The following DIXDC1 variants were observed in gnomAD, a reference collection of about 807,000 sequenced individuals.
DIXDC1 encodes the protein dixin.
Under a neutral mutation model 103.1 loss-of-function variants are expected in DIXDC1, and 64 were observed. The ratio of observed to expected loss-of-function variants is 0.62; its 90% CI spans 0.51 to 0.76. DIXDC1 has a LOEUF of 0.76. Among genes scored for constraint, DIXDC1 ranks in the 30% least tolerant of loss-of-function variants. The pLI is 0.00. For synonymous variants in DIXDC1, 266 were observed against 298.5 expected (o/e 0.89, Z 1.12); for missense variants, 759 against 834.2 (o/e 0.91, Z 1.11).
At chr11:112,009,055 G>A (rs181384465) in intron 17 of DIXDC1, among the ~76,000 whole-genome samples, 3 of 152,052 alleles carry the variant, frequency 2.0e-5, no homozygotes, top group East Asian at 1.9e-4. Flanking sequence ...CTGATAGACC[G>A]CTAGCAAGAC....
At position 112,017,889 on chromosome 11, in the gene DIXDC1, A is replaced by C; in HGVS notation, c.1971+4A>C. On this transcript the variant is annotated splice_donor_region_variant and intron_variant, in intron 19 of 19. Transcript: ENST00000440460. This position sits in a 1 kb window ranked among gnomAD's most constrained non-coding sequence, Gnocchi z 4.0. ...GTTTGGCACTGTCAAAGAGGAGGTA[A>C]AGAATCTGTGGGGAGTCTGTATGGT... is the stretch of plus-strand genomic sequence containing the variant. 1 of 1,601,646 alleles carries C rather than the reference A, an allele frequency of 6.2e-7. No homozygotes were observed. Among genetic ancestry groups the C allele is most frequent in the South Asian group, 1.1e-5 (1 of 88,942 alleles).
At chr11:111,937,091 GT>G, upstream of DIXDC1, 3 of 373,512 alleles carry the variant, frequency 8.0e-6, no homozygotes, top group Non-Finnish European at 1.1e-5. Context: ...GAGTGTGTGT[GT>G]GTGTAGCGCA....
At chr11:111,968,683 A>G in intron 3 of DIXDC1, 45 bp downstream of exon 3, 1 of 1,582,004 alleles carries the variant, frequency 6.3e-7, no homozygotes, top group Non-Finnish European at 8.6e-7. Context: ...TACTTTAACC[A>G]GTGAGTGCTA....
At chr11:111,972,614 A>C (rs1555172172) in intron 3 of DIXDC1, among the ~76,000 whole-genome samples, 1 of 152,064 alleles carries the variant, frequency 6.6e-6, no homozygotes, top group African/African-American at 2.4e-5. Context: ...CCTCTGATGC[A>C]CCCCTCTGCT....
At chr11:111,960,847 G>A (rs1451824641) in intron 1 of DIXDC1, among the ~76,000 whole-genome samples, 3 of 152,078 alleles carry the variant, frequency 2.0e-5, no homozygotes, top group Non-Finnish European at 2.9e-5. Context: ...TAAGGGAACT[G>A]GACTGTTTCG....
At chr11:111,931,209 C>T (rs1555167633) in intron 2 of DIXDC1, among the ~76,000 whole-genome samples, 1 of 151,944 alleles carries the variant, frequency 6.6e-6, no homozygotes, top group African/African-American at 2.4e-5. Context: ...GTGGCATGTA[C>T]CTGTAGTCCC....
At chr11:111,975,442 C>T (rs781854332) in intron 5 of DIXDC1, 1 of 1,009,528 alleles carries the variant, frequency 9.9e-7, no homozygotes, top group Non-Finnish European at 1.2e-6. Flanking sequence ...TTCCAACTTT[C>T]CTCTACAGGA....
At chr11:111,963,240 C>A (rs1206895080) in intron 1 of DIXDC1, among the ~76,000 whole-genome samples, 4 of 152,124 alleles carry the variant, frequency 2.6e-5, no homozygotes, top group African/African-American at 9.7e-5. Context: ...GGCCCAGGTA[C>A]CTTCACTAAT....
At chr11:111,965,973 T>C (rs1859713351) in intron 2 of DIXDC1, among the ~76,000 whole-genome samples, 1 of 152,164 alleles carries the variant, frequency 6.6e-6, no homozygotes, top group Admixed American at 6.5e-5. Flanking sequence ...ATACATGGAC[T>C]AGTAGGAAAT....
intron 1 of DIXDC1, among the ~76,000 whole-genome samples, chr11:111,950,908 A>G (rs1180938977): frequency 6.6e-6 from 1 of 152,244 alleles, no homozygotes; most frequent in Non-Finnish European, 1.5e-5. Context: ...TAGTTACTTT[A>G]AAATGTACAA....
chr11:112,005,386 C>T (rs1861203026), intron 17 of DIXDC1, among the ~76,000 whole-genome samples: 1 of 151,750 alleles, frequency 6.6e-6, no homozygotes, highest in Non-Finnish European at 1.5e-5. Context: ...TGTGTATACC[C>T]AATAACAGCT....
intron 1 of DIXDC1, among the ~76,000 whole-genome samples, chr11:111,928,667 G>A (rs587606376): frequency 1.1e-4 from 16 of 152,240 alleles, no homozygotes; most frequent in African/African-American, 3.9e-4. Flanking sequence ...GGAGGCTGAG[G>A]CAGGAGAATC....
chr11:111,977,947 G>C lies in DIXDC1; in HGVS notation c.657-2790G>C, dbSNP rs371575401. Among the ~76,000 whole-genome samples the C allele has an allele frequency of 3.7e-4, 56 of 152,230 alleles. 1 individual carries two copies. In the East Asian group the frequency reaches 0.01, roughly 28 times the overall value. ...ACCAGGGGTTATCACTATAAAATACGGTGGGCGTAGGAAGTGGAGCCAGCA... is the reference window on the plus strand; with the variant it reads ...ACCAGGGGTTATCACTATAAAATACCGTGGGCGTAGGAAGTGGAGCCAGCA... On this transcript the variant is annotated intron_variant, in intron 5 of 19. Coordinates refer to ENST00000440460, the MANE Select transcript of DIXDC1 (RefSeq NM_001037954.4). This position sits in a 1 kb window ranked among gnomAD's most constrained non-coding sequence, Gnocchi z 6.1.
chr11:111,949,814 A>G (rs1555169723), intron 1 of DIXDC1, among the ~76,000 whole-genome samples: 1 of 152,108 alleles, frequency 6.6e-6, no homozygotes, highest in Non-Finnish European at 1.5e-5. Context: ...CCTCTCTGCA[A>G]TTGGCAGACA....
At chr11:111,945,493 G>A (rs1966562610) in intron 1 of DIXDC1, 1 of 152,182 alleles carries the variant, frequency 6.6e-6, no homozygotes, top group African/African-American at 2.4e-5. Context: ...ATTGTGGGCT[G>A]GGCAGCTACC....
intron 17 of DIXDC1, among the ~76,000 whole-genome samples, chr11:112,008,639 A>G (rs1861315515): frequency 6.6e-6 from 1 of 152,232 alleles, no homozygotes; most frequent in Non-Finnish European, 1.5e-5. Context: ...ATTAGAACTC[A>G]GGATTAAGAA....
At chr11:111,955,833 C>CAA (rs781822030) in intron 1 of DIXDC1, among the ~76,000 whole-genome samples, 314 of 17,662 alleles carry the variant, frequency 0.018, 49 homozygotes, top group African/African-American at 0.035. Flanking sequence ...GACTCTAGCT[C>CAA]AAAAAAAAAA....
chr11:112,011,209 A>G (rs1461798014), intron 17 of DIXDC1, among the ~76,000 whole-genome samples: 1 of 152,260 alleles, frequency 6.6e-6, no homozygotes, highest in East Asian at 1.9e-4. Context: ...AAAAATGCTC[A>G]TCATCACTGG....
chr11:112,010,465 A>G (rs1861380611), intron 17 of DIXDC1, among the ~76,000 whole-genome samples: 1 of 152,242 alleles, frequency 6.6e-6, no homozygotes, highest in Non-Finnish European at 1.5e-5. Flanking sequence ...TAAAGTTCAT[A>G]TGGAACCAAA....
Sources: gnomAD v4.1 joint callset for allele counts (sites outside exome capture counted in the v4.1 genomes callset) on GRCh38, gnomAD v4.1.1 for gene constraint, Gnocchi (gnomAD v3.1) non-coding constraint, MANE v1.5 for transcripts, NCBI Gene and HGNC (gene_info 2026-07-23, HGNC 2026-07-21) for gene names.